Variants in AGAP1 observed in about 807,000 individuals in gnomAD.
The protein encoded by AGAP1 is ArfGAP with GTPase domain, ankyrin repeat and PH domain 1.
In AGAP1, 29 loss-of-function variants were observed where a neutral mutation model predicts 105.3. The observed-to-expected ratio is 0.28, with a 90% confidence interval of 0.21 to 0.38. The LOEUF is 0.38. AGAP1 is among the 10% of genes least tolerant of loss of function. AGAP1 has a pLI of 1.00. For missense variants in AGAP1, 998 were observed against 1,165.1 expected (o/e 0.86, Z 2.09); for synonymous variants, 509 against 485.9 (o/e 1.05, Z -0.63).
intron 11 of AGAP1, among the ~76,000 whole-genome samples, chr2:235,917,745 G>A (rs2051968373): frequency 6.6e-6 from 1 of 152,132 alleles, no homozygotes; most frequent in Non-Finnish European, 1.5e-5. Context: ...TTGATCTAAT[G>A]GGCTCAGTCA....
chr2:235,672,453 A>G (rs1948488208), intron 1 of AGAP1, among the ~76,000 whole-genome samples: 1 of 152,216 alleles, frequency 6.6e-6, no homozygotes, highest in Non-Finnish European at 1.5e-5. Context: ...TGGCACATCT[A>G]GTTTTAACCT....
rs1449804631 is a variant in AGAP1 at position 235,930,844 on chromosome 2, G to A, written c.1404G>A (p.Met468Ile). The change falls in exon 12 of 18, where the codon ATG becomes ATA. Residue 468 changes from methionine to isoleucine, a missense_variant. Physicochemically the swap from Met to Ile is conservative, Grantham distance 10 (BLOSUM62 1). Coordinates refer to ENST00000304032, the MANE Select transcript of AGAP1 (RefSeq NM_001037131.3). This position sits in a 1 kb window ranked among gnomAD's most constrained non-coding sequence, Gnocchi z 7.9. ...CCTTCAACAGCCGACCCGACGGCAT[G>A]CACCAGCGCTCCTACTCAGTCTCCA... ...LVSFNSRPDGMHQRSYSVSSA... is the reference protein window; with the variant it reads ...LVSFNSRPDGIHQRSYSVSSA... 6.2e-7 allele frequency: 1 copy of A among 1,614,168 alleles called. No individual in the cohort carries two copies. Among genetic ancestry groups the A allele is most frequent in the Non-Finnish European group, 8.5e-7 (1 of 1,180,020 alleles).
rs1428527461 is a variant in AGAP1 at position 235,989,713 on chromosome 2, G to A, written c.1645+21090G>A. ...TGAATCAAGGAGCCCAGGAGGACGG[G>A]GAATCCCTGGAGGAGGTGGGTCAGT... On this transcript the variant is annotated intron_variant, in intron 13 of 17. Transcript: ENST00000304032. The surrounding 1 kb of genome is among the most constrained non-coding windows in gnomAD (Gnocchi z 4.4). Among the ~76,000 whole-genome samples the A allele has an allele frequency of 6.6e-6, 1 of 152,186 alleles. No individual in the cohort carries two copies. Among genetic ancestry groups the A allele is most frequent in the Non-Finnish European group, 1.5e-5 (1 of 68,030 alleles).
intron 12 of AGAP1, among the ~76,000 whole-genome samples, chr2:235,933,878 A>T (rs2052855761): frequency 6.6e-6 from 1 of 152,188 alleles, no homozygotes; most frequent in African/African-American, 2.4e-5. Context: ...TTGAAAAGGG[A>T]GACAATAATC....
chr2:235,656,577 G>A (rs1473694175), intron 1 of AGAP1, among the ~76,000 whole-genome samples: 2 of 152,086 alleles, frequency 1.3e-5, no homozygotes, highest in African/African-American at 2.4e-5. Flanking sequence ...ACCACTCACC[G>A]GGTCACTCTC....
chr2:235,614,509 G>A lies in AGAP1; in HGVS notation c.164-94670G>A, dbSNP rs916181662. On this transcript the variant is annotated intron_variant, in intron 1 of 17. Coordinates refer to ENST00000304032, the MANE Select transcript of AGAP1 (RefSeq NM_001037131.3). This position sits in a 1 kb window ranked among gnomAD's most constrained non-coding sequence, Gnocchi z 4.7. The stretch of plus-strand genomic sequence containing the variant: ...AAAGGCAAGGAGAAACATGGCGAGG[G>A]GTGGGGGCTTTGCTCTTTAGCCCGT... 6.6e-6 allele frequency among the ~76,000 whole-genome samples: 1 copy of A among 152,156 alleles called. No homozygotes were observed. Among genetic ancestry groups the A allele is most frequent in the African/African-American group, 2.4e-5 (1 of 41,444 alleles).
At chr2:236,091,460 G>C (rs2059058171) in intron 16 of AGAP1, among the ~76,000 whole-genome samples, 1 of 152,122 alleles carries the variant, frequency 6.6e-6, no homozygotes, top group Admixed American at 6.5e-5. Flanking sequence ...TGCACTATTA[G>C]GCACTTATCC....
At position 235,665,266 on chromosome 2, in the gene AGAP1, T is replaced by C. The variant is rs1196990772; in HGVS notation, c.164-43913T>C. On this transcript the variant is annotated intron_variant, in intron 1 of 17. Coordinates refer to ENST00000304032, the MANE Select transcript of AGAP1 (RefSeq NM_001037131.3). This position sits in a 1 kb window ranked among gnomAD's most constrained non-coding sequence, Gnocchi z 5.3. ...TGGCAGGAATTGCTATCGTTGGTCCTTAAGGAAAAACACAGGAAGGATGCA... is the reference window on the plus strand; with the variant it reads ...TGGCAGGAATTGCTATCGTTGGTCCCTAAGGAAAAACACAGGAAGGATGCA... Among the ~76,000 whole-genome samples, 1 of 152,178 alleles carries C rather than the reference T, an allele frequency of 6.6e-6. No individual in the cohort carries two copies. Among genetic ancestry groups the C allele is most frequent in the Non-Finnish European group, 1.5e-5 (1 of 68,022 alleles).
rs374723646 is a variant in AGAP1, at chr2:235,677,853, G to A, written c.164-31326G>A. Among the ~76,000 whole-genome samples the A allele has an allele frequency of 1.8e-4, 22 of 123,892 alleles. No homozygotes were observed. The East Asian group carries it at 3.2e-3, about 18-fold the overall frequency. The allele number at this position is 123,892 out of a possible 152,430, so 81.3% of individuals were successfully genotyped here. ...AGATATCACTTCTGTTGGTGGAGGC[G>A]AGAGAAGAATATTTATCCAGTTTCT... On this transcript the variant is annotated intron_variant, in intron 1 of 17. Coordinates refer to ENST00000304032, the MANE Select transcript of AGAP1 (RefSeq NM_001037131.3).
chr2:235,829,532 C>T (rs1959191493), intron 9 of AGAP1, among the ~76,000 whole-genome samples: 1 of 152,210 alleles, frequency 6.6e-6, no homozygotes, highest in African/African-American at 2.4e-5. Context: ...CTAGAGAATT[C>T]ACCACCACTC....
At chr2:235,519,644 A>G (rs1942541459) in intron 1 of AGAP1, among the ~76,000 whole-genome samples, 1 of 152,132 alleles carries the variant, frequency 6.6e-6, no homozygotes, top group South Asian at 2.1e-4. Context: ...GCTAAGTATT[A>G]TTTTCTAGAG....
Position 235,908,964 on chromosome 2 carries a change from C to T in AGAP1, c.1324+58C>T. ...GTTCAACAGCAACAGGTGGTCCAGG[C>T]TCGAGGATAATGTTGGACTCCTAGG... On this transcript the variant is annotated intron_variant, in intron 11 of 17. Coordinates refer to ENST00000304032, the MANE Select transcript of AGAP1 (RefSeq NM_001037131.3). This position sits in a 1 kb window ranked among gnomAD's most constrained non-coding sequence, Gnocchi z 4.4. The T allele has an allele frequency of 6.5e-7, 1 of 1,542,136 alleles. No homozygotes were observed. Among genetic ancestry groups the T allele is most frequent in the Admixed American group, 1.7e-5 (1 of 57,278 alleles).
chr2:235,772,346 T>C (rs549438671), intron 6 of AGAP1, among the ~76,000 whole-genome samples: 1 of 152,328 alleles, frequency 6.6e-6, no homozygotes, highest in East Asian at 1.9e-4. Flanking sequence ...TGATGCTTTA[T>C]GACAGACCAC....
rs1213906395 is a variant in AGAP1, at chr2:235,845,768, C to T, written c.1051-37577C>T. On this transcript the variant is annotated intron_variant, in intron 9 of 17. Transcript: ENST00000304032. This position sits in a 1 kb window ranked among gnomAD's most constrained non-coding sequence, Gnocchi z 4.8. ...AGCTGCTCCGAGATGGTCACCAAGTCCTTCTTCCCTTTCTTCCTGAGCATC... is the reference window on the plus strand; with the variant it reads ...AGCTGCTCCGAGATGGTCACCAAGTTCTTCTTCCCTTTCTTCCTGAGCATC... Among the ~76,000 whole-genome samples, 4 of 152,240 alleles carry T rather than the reference C, an allele frequency of 2.6e-5. No homozygotes were observed. The highest frequency in any genetic ancestry group is 4.2e-4 in the South Asian group (2 of 4,812).
chr2:235,967,514 G>A lies in AGAP1; in HGVS notation c.1484-948G>A, dbSNP rs748291762. On this transcript the variant is annotated intron_variant, in intron 12 of 17. Coordinates refer to ENST00000304032, the MANE Select transcript of AGAP1 (RefSeq NM_001037131.3). The surrounding 1 kb of genome is among the most constrained non-coding windows in gnomAD (Gnocchi z 4.7). ...TATCTGTTTCTCCTCGATCAATGAT[G>A]GCTGCCAAGCATCTTGAAAAGCCGC... 2.0e-5 allele frequency among the ~76,000 whole-genome samples: 3 copies of A among 152,186 alleles called. No individual in the cohort carries two copies. Among genetic ancestry groups the A allele is most frequent in the Non-Finnish European group, 2.9e-5 (2 of 68,042 alleles).
intron 9 of AGAP1, among the ~76,000 whole-genome samples, chr2:235,851,630 A>G (rs1023256916): frequency 1.1e-4 from 17 of 151,998 alleles, no homozygotes; most frequent in Non-Finnish European, 1.8e-4. Flanking sequence ...CTCTAGGCTT[A>G]TCTCCGTGTG....
At chr2:235,779,547 G>T (rs1273333370) in intron 6 of AGAP1, among the ~76,000 whole-genome samples, 1 of 152,120 alleles carries the variant, frequency 6.6e-6, no homozygotes, top group Non-Finnish European at 1.5e-5. Flanking sequence ...TCCGGGTTCT[G>T]CCCTTCAGCT....
At chr2:235,786,453 TTAATC>T (rs1281966855) in intron 6 of AGAP1, among the ~76,000 whole-genome samples, 2 of 152,240 alleles carry the variant, frequency 1.3e-5, no homozygotes, top group Non-Finnish European at 2.9e-5. Context: ...CCATTTCAGA[TTAATC>T]TAAGCTATGT....
intron 10 of AGAP1, among the ~76,000 whole-genome samples, chr2:235,907,693 T>C (rs947177304): frequency 3.9e-5 from 6 of 152,332 alleles, no homozygotes; most frequent in South Asian, 2.1e-4. Context: ...ACCAAGATCC[T>C]CAGATGCTCA....
Sources: gnomAD v4.1 joint callset for allele counts (sites outside exome capture counted in the v4.1 genomes callset) on GRCh38, gnomAD v4.1.1 for gene constraint, Gnocchi (gnomAD v3.1) non-coding constraint, MANE v1.5 for transcripts, NCBI Gene and HGNC (gene_info 2026-07-23, HGNC 2026-07-21) for gene names.